The following EPHA5 variants were observed in gnomAD, a reference collection of about 807,000 sequenced individuals.
EPHA5 encodes EPH receptor A5, also known as ephrin type-A receptor 5.
EPHA5 carries 60 observed loss-of-function variants against 105.0 expected under a neutral mutation model. The ratio of observed to expected loss-of-function variants is 0.57; its 90% CI spans 0.46 to 0.71. The LOEUF (loss-of-function observed/expected upper bound fraction) is 0.71. Ranked by LOEUF, EPHA5 falls within the 30% of genes least tolerant of loss-of-function variation. The pLI is 0.00. For synonymous variants in EPHA5, 513 were observed against 449.1 expected (o/e 1.14, Z -1.80); for missense variants, 1,218 against 1,274.7 (o/e 0.96, Z 0.68).
intron 3 of EPHA5, among the ~76,000 whole-genome samples, chr4:65,523,028 G>A (rs1164462704): frequency 6.6e-6 from 1 of 151,838 alleles, no homozygotes; most frequent in East Asian, 1.9e-4. Flanking sequence ...TGCTAATATA[G>A]GATCAGTCAG....
At chr4:65,332,257 A>G in intron 15 of EPHA5, 129 bp from the exon 16 acceptor site, 1 of 648,000 alleles carries the variant, frequency 1.5e-6, no homozygotes, top group Non-Finnish European at 2.4e-6. Context: ...AAAAATATGC[A>G]AATGCTAATA....
chr4:65,399,340 G>T (rs757101588), intron 8 of EPHA5, among the ~76,000 whole-genome samples: 21 of 152,176 alleles, frequency 1.4e-4, no homozygotes, highest in Non-Finnish European at 2.6e-4. Flanking sequence ...ACTCACTCAT[G>T]CACCCCTCAC....
intron 3 of EPHA5, among the ~76,000 whole-genome samples, chr4:65,520,956 A>G (rs1011407557): frequency 6.6e-6 from 1 of 152,188 alleles, no homozygotes; most frequent in Admixed American, 6.5e-5. Flanking sequence ...CCATTGTGGA[A>G]GACAGTTTGG....
At chr4:65,369,299 A>G (rs1344292023) in intron 8 of EPHA5, among the ~76,000 whole-genome samples, 1 of 152,196 alleles carries the variant, frequency 6.6e-6, no homozygotes, top group Non-Finnish European at 1.5e-5. Context: ...ACAACTGGCT[A>G]AAATGAAAAT....
chr4:65,643,972 T>C (rs776082056), intron 1 of EPHA5, among the ~76,000 whole-genome samples: 3 of 152,016 alleles, frequency 2.0e-5, no homozygotes, highest in African/African-American at 7.2e-5. Context: ...GAAATAAATC[T>C]ACACACCCTT....
chr4:65,504,395 T>A (rs915996788), intron 3 of EPHA5, among the ~76,000 whole-genome samples: 1 of 150,434 alleles, frequency 6.6e-6, no homozygotes, highest in Admixed American at 6.7e-5. Context: ...TAGAACAAAT[T>A]CACCAAATAA....
chr4:65,443,662 A>G (rs1347719821), intron 5 of EPHA5, among the ~76,000 whole-genome samples: 1 of 152,134 alleles, frequency 6.6e-6, no homozygotes, highest in Non-Finnish European at 1.5e-5. Flanking sequence ...AAGGCAAAAA[A>G]CAATTACTAG....
chr4:65,409,856 A>G (rs184255579), intron 7 of EPHA5, among the ~76,000 whole-genome samples: 2 of 152,352 alleles, frequency 1.3e-5, no homozygotes, highest in Admixed American at 1.3e-4. Context: ...ATGAGATATC[A>G]CTACCCACTT....
intron 5 of EPHA5, among the ~76,000 whole-genome samples, chr4:65,485,683 T>G (rs1463685993): frequency 6.6e-6 from 1 of 152,186 alleles, no homozygotes. Context: ...TTTTTCCTTC[T>G]TACACTTTTT....
At position 65,584,855 on chromosome 4, in the gene EPHA5, C is replaced by T. The variant is rs578187584; in HGVS notation, c.910+16786G>A. Among the ~76,000 whole-genome samples the T allele has an allele frequency of 1.1e-4, 16 of 151,942 alleles. No homozygotes were observed. In the East Asian group the frequency reaches 3.1e-3, roughly 29 times the overall value. ...TTCCTATTTAATTATTTATTTGTCA[C>T]TCATATAATTATTACATATACAGCC... On this transcript the variant is annotated intron_variant, in intron 3 of 16. Transcript: ENST00000613740.
chr4:65,563,433 C>T (rs1578431922), intron 3 of EPHA5, among the ~76,000 whole-genome samples: 1 of 152,064 alleles, frequency 6.6e-6, no homozygotes, highest in East Asian at 1.9e-4. Context: ...GCTTCTGATT[C>T]TAACATAATT....
chr4:65,405,189 A>G (rs1231071836), intron 7 of EPHA5, among the ~76,000 whole-genome samples: 1 of 152,200 alleles, frequency 6.6e-6, no homozygotes, highest in Non-Finnish European at 1.5e-5. Flanking sequence ...AATTCCCATT[A>G]TAAGAGGAAT....
intron 5 of EPHA5, among the ~76,000 whole-genome samples, chr4:65,428,031 G>C (rs1724614901): frequency 6.6e-6 from 1 of 151,792 alleles, no homozygotes; most frequent in Non-Finnish European, 1.5e-5. Flanking sequence ...ACATCACATA[G>C]ACATACATAC....
chr4:65,527,468 G>T (rs1735348883), intron 3 of EPHA5, among the ~76,000 whole-genome samples: 1 of 152,038 alleles, frequency 6.6e-6, no homozygotes, highest in African/African-American at 2.4e-5. Flanking sequence ...ATAACTTCAG[G>T]ATAATGTTTA....
chr4:65,536,143 T>C (rs891347787), intron 3 of EPHA5, among the ~76,000 whole-genome samples: 3 of 151,994 alleles, frequency 2.0e-5, no homozygotes, highest in African/African-American at 4.8e-5. Flanking sequence ...AATGACTCTT[T>C]AGTAACATAA....
chr4:65,346,332 TTTCAACA>T (rs1286835152), intron 14 of EPHA5, among the ~76,000 whole-genome samples: 1 of 152,068 alleles, frequency 6.6e-6, no homozygotes, highest in African/African-American at 2.4e-5. Flanking sequence ...GTTGTGCATT[TTTCAACA>T]CATAAATTTA....
At chr4:65,325,595 G>A (rs778296753) in intron 16 of EPHA5, among the ~76,000 whole-genome samples, 21 of 151,080 alleles carry the variant, frequency 1.4e-4, no homozygotes, top group Non-Finnish European at 2.7e-4. Context: ...TAATAATAGC[G>A]GTAGAGAGAG....
chr4:65,658,280 G>A (rs967652053), intron 1 of EPHA5, among the ~76,000 whole-genome samples: 2 of 152,078 alleles, frequency 1.3e-5, no homozygotes, highest in Non-Finnish European at 2.9e-5. Flanking sequence ...TGGAGTGCAG[G>A]GAAGGGGAAC....
Position 65,335,925 on chromosome 4 carries a change from C to T in EPHA5, c.2789+7G>A, listed in dbSNP as rs780776178. 2.5e-6 allele frequency: 4 copies of T among 1,600,020 alleles called. No individual in the cohort carries two copies. The highest frequency in any genetic ancestry group is 2.2e-5 in the South Asian group (2 of 89,232). ...TTCTGGAAAATCACTCGGATCTGGC[C>T]TTGTACCTGCAGGATGCATTAACCA... On this transcript the variant is annotated splice_region_variant and intron_variant, in intron 15 of 16. Coordinates refer to ENST00000613740, the MANE Select transcript of EPHA5 (RefSeq NM_001281766.3).
Sources: allele counts gnomAD v4.1 joint callset (sites outside exome capture counted in the v4.1 genomes callset), GRCh38; gene constraint gnomAD v4.1.1; transcripts MANE v1.5; gene names NCBI Gene and HGNC (gene_info 2026-07-23, HGNC 2026-07-21).